GPM6A: variants seen among roughly 807,000 people sequenced by gnomAD.
GPM6A encodes the protein glycoprotein M6A.
Under a neutral mutation model 32.1 loss-of-function variants are expected in GPM6A, and 7 were observed. The observed-to-expected ratio is 0.22, with a 90% CI of 0.12 to 0.41. GPM6A has a LOEUF of 0.41. Ranked by LOEUF, GPM6A falls within the 10% of genes least tolerant of loss-of-function variation. The pLI, the probability that GPM6A is intolerant of heterozygous loss-of-function variation, is 1.00. For missense variants in GPM6A, 235 were observed against 347.2 expected (o/e 0.68, Z 2.57); for synonymous variants, 130 against 123.4 (o/e 1.05, Z -0.35).
intron 1 of GPM6A, among the ~76,000 whole-genome samples, chr4:175,859,118 A>G (rs1011947610): frequency 6.6e-6 from 1 of 152,176 alleles, no homozygotes; most frequent in African/African-American, 2.4e-5. Context: ...GGCATGAAGA[A>G]AGCTGAGGAA....
intron 1 of GPM6A, among the ~76,000 whole-genome samples, chr4:175,997,489 G>T (rs1468320146): frequency 6.6e-6 from 1 of 151,530 alleles, no homozygotes; most frequent in Admixed American, 6.6e-5. Context: ...ATAGTTACTG[G>T]ATCAAGAGCT....
intron 1 of GPM6A, among the ~76,000 whole-genome samples, chr4:175,848,774 ACT>A (rs1231334761): frequency 2.6e-5 from 4 of 152,232 alleles, no homozygotes; most frequent in African/African-American, 9.6e-5. Flanking sequence ...AATAATAAAT[ACT>A]GTTATTTTTA....
intron 1 of GPM6A, among the ~76,000 whole-genome samples, chr4:175,726,290 C>T (rs1332887986): frequency 5.3e-5 from 8 of 152,042 alleles, no homozygotes; most frequent in Non-Finnish European, 8.8e-5. Context: ...TGAGCCACTG[C>T]GCCCAGCCTA....
chr4:175,636,113 C>A (rs990568007), intron 6 of GPM6A, among the ~76,000 whole-genome samples: 2 of 151,366 alleles, frequency 1.3e-5, no homozygotes. Flanking sequence ...AAGATGCATA[C>A]CACTATAAAT....
chr4:175,985,205 A>C (rs189501145), intron 1 of GPM6A, among the ~76,000 whole-genome samples: 1 of 152,194 alleles, frequency 6.6e-6, no homozygotes, highest in Non-Finnish European at 1.5e-5. Flanking sequence ...GTACACACAC[A>C]TATTTGAAAG....
intron 1 of GPM6A, among the ~76,000 whole-genome samples, chr4:175,856,156 A>G (rs1052700010): frequency 6.6e-6 from 1 of 152,240 alleles, no homozygotes; most frequent in African/African-American, 2.4e-5. Flanking sequence ...TTTTAAGGTA[A>G]AAAACTAAGA....
chr4:175,667,493 T>A (rs1742816058), intron 3 of GPM6A, among the ~76,000 whole-genome samples: 1 of 152,154 alleles, frequency 6.6e-6, no homozygotes, highest in South Asian at 2.1e-4. Flanking sequence ...GTATCCCGAA[T>A]GGGATACTGA....
At chr4:175,680,910 T>A (rs960878076) in intron 2 of GPM6A, among the ~76,000 whole-genome samples, 2 of 152,198 alleles carry the variant, frequency 1.3e-5, no homozygotes, top group South Asian at 2.1e-4. Context: ...TCTTTGAAAA[T>A]TTCTCTATAC....
intron 1 of GPM6A, among the ~76,000 whole-genome samples, chr4:175,979,948 C>T (rs886096386): frequency 1.3e-5 from 2 of 152,110 alleles, no homozygotes; most frequent in Non-Finnish European, 2.9e-5. Flanking sequence ...TTTGCCCTGA[C>T]TATAATTAAG....
At chr4:175,841,680 T>A (rs1228767687) in intron 1 of GPM6A, among the ~76,000 whole-genome samples, 4 of 152,144 alleles carry the variant, frequency 2.6e-5, no homozygotes, top group Non-Finnish European at 5.9e-5. Flanking sequence ...GGAATAACCT[T>A]TCATATCCAT....
At chr4:175,799,918 G>C (rs1439664430) in intron 1 of GPM6A, among the ~76,000 whole-genome samples, 1 of 152,114 alleles carries the variant, frequency 6.6e-6, no homozygotes, top group African/African-American at 2.4e-5. Context: ...GAATATCCTT[G>C]AGCAAGAGGC....
intron 1 of GPM6A, among the ~76,000 whole-genome samples, chr4:175,727,281 A>T (rs1731211294): frequency 6.6e-6 from 1 of 152,224 alleles, no homozygotes; most frequent in Admixed American, 6.5e-5. Context: ...AACCTAGTAG[A>T]CTTGAAAACA....
At chr4:175,828,352 G>A (rs1056356071) in intron 1 of GPM6A, among the ~76,000 whole-genome samples, 1 of 152,156 alleles carries the variant, frequency 6.6e-6, no homozygotes, top group African/African-American at 2.4e-5. Flanking sequence ...TTAGCAGGGG[G>A]CATATTTTGA....
At chr4:175,671,866 C>T (rs751957393) in intron 3 of GPM6A, among the ~76,000 whole-genome samples, 7 of 151,734 alleles carry the variant, frequency 4.6e-5, no homozygotes, top group African/African-American at 7.3e-5. Context: ...CAGGAGTGGG[C>T]GGGGCATCTT....
intron 6 of GPM6A, among the ~76,000 whole-genome samples, chr4:175,637,797 A>T (rs1264013235): frequency 9.3e-4 from 103 of 110,306 alleles, no homozygotes; most frequent in South Asian, 7.3e-3. Context: ...TATAATATAA[A>T]AATATATAAT....
At chr4:175,923,523 G>A (rs1738736983) in intron 1 of GPM6A, among the ~76,000 whole-genome samples, 1 of 149,918 alleles carries the variant, frequency 6.7e-6, no homozygotes, top group African/African-American at 2.4e-5. Flanking sequence ...TGCAGTTTTG[G>A]GGTTTTTTTT....
intron 1 of GPM6A, among the ~76,000 whole-genome samples, chr4:175,784,215 T>A (rs889441963): frequency 6.6e-6 from 1 of 152,058 alleles, no homozygotes; most frequent in Non-Finnish European, 1.5e-5. Context: ...TGAGAGAATA[T>A]CAGACAAACA....
chr4:175,965,271 C>T (rs1427802005), intron 1 of GPM6A, among the ~76,000 whole-genome samples: 1 of 151,738 alleles, frequency 6.6e-6, no homozygotes, highest in East Asian at 1.9e-4. Flanking sequence ...AGCTATAAAT[C>T]GTAAAGACAG....
rs185362686 is a variant in GPM6A at position 175,832,872 on chromosome 4, T to C, written c.-22-20623A>G. 7.9e-5 allele frequency among the ~76,000 whole-genome samples: 12 copies of C among 152,282 alleles called. No homozygotes were observed. The East Asian group carries it at 2.3e-3, about 29-fold the overall frequency. Reference sequence around the variant, plus strand: ...GTGGACATGTCAGGACAGGGGAACATCTGGATCACAAGAATGCCGGTTCCC... The same window carrying C: ...GTGGACATGTCAGGACAGGGGAACACCTGGATCACAAGAATGCCGGTTCCC... On this transcript the variant is annotated intron_variant, in intron 1 of 7. Coordinates refer to the GPM6A transcript ENST00000280187.
Sources: allele counts gnomAD v4.1 joint callset (sites outside exome capture counted in the v4.1 genomes callset), GRCh38; gene constraint gnomAD v4.1.1; transcripts MANE v1.5; gene names NCBI Gene and HGNC (gene_info 2026-07-23, HGNC 2026-07-21).